DEPDC1: variants seen among roughly 807,000 people sequenced by gnomAD.
The protein encoded by DEPDC1 is DEP domain containing 1.
Under a neutral mutation model 86.8 loss-of-function variants are expected in DEPDC1, and 66 were observed. That is an observed-to-expected ratio of 0.76 (90% confidence interval 0.62 to 0.93). The LOEUF (loss-of-function observed/expected upper bound fraction) is 0.93. Among genes scored for constraint, DEPDC1 ranks in the 40% least tolerant of loss-of-function variants. The pLI is 0.00. For synonymous variants in DEPDC1, 255 were observed against 314.9 expected, an observed-to-expected ratio of 0.81 and a Z score of 2.02; for missense variants, 792 against 935.7, an observed-to-expected ratio of 0.85 and a Z score of 2.00.
chr1:68,481,950 T>A (rs1646158837), intron 8 of DEPDC1, 96 bp downstream of exon 8: 2 of 1,257,914 alleles, frequency 1.6e-6, no homozygotes, highest in Admixed American at 3.0e-5. Flanking sequence ...GGAAAAAAAA[T>A]TAAGCAACTT....
rs1433700889 is a variant in DEPDC1, at chr1:68,477,861, T to C, written c.2224A>G (p.Ile742Val). The C allele has an allele frequency of 2.5e-6, 4 of 1,588,948 alleles. No homozygotes were observed. The highest frequency in any genetic ancestry group is 1.2e-5 in the South Asian group (1 of 84,352). Residue 742 changes from isoleucine to valine, a missense_variant, in exon 11 of 12, where the codon ATT becomes GTT. Ile to Val is a conservative substitution (Grantham distance 29, BLOSUM62 3). Coordinates refer to ENST00000456315, the MANE Select transcript of DEPDC1 (RefSeq NM_001114120.3). The part of the protein sequence containing the change: ...EQKVSTSQAA[I>V]AELLENIIKN... ...ATAATATTTTCTAAAAGTTCTGCAA[T>C]TGCAGCTTGAGAGGTAGAAACTTTT...
intron 10 of DEPDC1, among the ~76,000 whole-genome samples, chr1:68,478,597 A>G (rs1398263472): frequency 1.3e-5 from 2 of 151,998 alleles, no homozygotes; most frequent in Non-Finnish European, 2.9e-5. Flanking sequence ...TTGGGCAGCC[A>G]AAGACAGAAT....
At chr1:68,489,206 A>G (rs547238684) in intron 3 of DEPDC1, among the ~76,000 whole-genome samples, 172 bp from the exon 4 acceptor site, 102 of 152,046 alleles carry the variant, frequency 6.7e-4, no homozygotes, top group African/African-American at 2.4e-3. Context: ...TACCACCCTC[A>G]AATCAATTTA....
chr1:68,490,694 C>T (rs528967783), intron 2 of DEPDC1, among the ~76,000 whole-genome samples: 1 of 152,032 alleles, frequency 6.6e-6, no homozygotes, highest in East Asian at 1.9e-4. Flanking sequence ...GTCCACAACT[C>T]ATATGGAACC....
chr1:68,484,260 C>G (rs971522552), intron 6 of DEPDC1, among the ~76,000 whole-genome samples, 170 bp from the exon 7 acceptor site: 1 of 152,020 alleles, frequency 6.6e-6, no homozygotes, highest in African/African-American at 2.4e-5. Context: ...CATTATCTTT[C>G]CACTGGAAGC....
chr1:68,479,148 C>A lies in DEPDC1; in HGVS notation c.2108G>T (p.Gly703Val). ...VEKHLDYLKK[G>V]HIENPGDGLF... ...TTTAAGACTCACAATACTTACATGT[C>A]CCTTTTTTAAGTAGTCAAGATGTTT... The change falls in exon 10 of 12, where the codon GGA becomes GTA. Residue 703 changes from glycine (G) to valine (V), a missense_variant. Coordinates refer to ENST00000456315, the MANE Select transcript of DEPDC1 (RefSeq NM_001114120.3). 6.2e-7 allele frequency: 1 copy of A among 1,606,734 alleles called. No individual in the cohort carries two copies. Among genetic ancestry groups the A allele is most frequent in the South Asian group, 1.1e-5 (1 of 89,742 alleles).
Position 68,496,793 on chromosome 1 carries a change from T to C in DEPDC1, c.48+159A>G. ...AGCGGTGAGTCTGGCAAGGGTTGCA[T>C]ACCCGCTACTTCTCCTCGCCAGCCT... On this transcript the variant is annotated intron_variant, in intron 1 of 11. Transcript: ENST00000456315. The surrounding 1 kb of genome is among the most constrained non-coding windows in gnomAD (Gnocchi z 4.0). 4 of 713,704 alleles carry C rather than the reference T, an allele frequency of 5.6e-6. No homozygotes were observed. Among genetic ancestry groups the C allele is most frequent in the South Asian group, 1.8e-5 (1 of 56,020 alleles). The allele number at this position is 713,704 out of a possible 1,614,324, so 44.2% of individuals were successfully genotyped here.
At chr1:68,486,093 TA>T (rs1020813435) in intron 6 of DEPDC1, among the ~76,000 whole-genome samples, 2 of 152,084 alleles carry the variant, frequency 1.3e-5, no homozygotes, top group African/African-American at 4.8e-5. Flanking sequence ...AATTAAATGC[TA>T]AAAAAATTTC....
chr1:68,491,604 C>T (rs1041476524), intron 2 of DEPDC1, among the ~76,000 whole-genome samples: 3 of 151,994 alleles, frequency 2.0e-5, no homozygotes, highest in Non-Finnish European at 4.4e-5. Context: ...AAATGAAATT[C>T]TTTGCTCATT....
chr1:68,496,763 G>C lies in DEPDC1; in HGVS notation c.48+189C>G. 2 of 570,756 alleles carry C rather than the reference G, an allele frequency of 3.5e-6. No individual in the cohort carries two copies. Among genetic ancestry groups the C allele is most frequent in the Admixed American group, 6.6e-5 (2 of 30,252 alleles). The allele number at this position is 570,756 out of a possible 1,614,324, so 35.4% of individuals were successfully genotyped here. A position where few individuals can be genotyped will look rare whatever the true frequency, so the allele number is the denominator to read the frequency against. On this transcript the variant is annotated intron_variant, in intron 1 of 11. Transcript: ENST00000456315. This position sits in a 1 kb window ranked among gnomAD's most constrained non-coding sequence, Gnocchi z 4.0. ...ACCTGAGGCCCAGACCCTCAAAATA[G>C]AGGGAGCGGTGAGTCTGGCAAGGGT... is the stretch of plus-strand genomic sequence containing the variant.
At chr1:68,490,689 C>T (rs894967327) in intron 2 of DEPDC1, among the ~76,000 whole-genome samples, 14 of 151,958 alleles carry the variant, frequency 9.2e-5, no homozygotes, top group Non-Finnish European at 2.1e-4. Flanking sequence ...CTGTTGTCCA[C>T]AACTCATATG....
chr1:68,488,581 C>T, intron 4 of DEPDC1, 77 bp from the exon 5 acceptor site: 1 of 1,231,302 alleles, frequency 8.1e-7, no homozygotes, highest in Non-Finnish European at 1.1e-6. Flanking sequence ...TAAACAAAGC[C>T]ATCAGAATAT....
intron 3 of DEPDC1, 30 bp from the exon 4 acceptor site, chr1:68,489,064 G>A (rs773072003): frequency 7.2e-7 from 1 of 1,380,156 alleles, no homozygotes; most frequent in African/African-American, 1.4e-5. Flanking sequence ...GGTTTAATCT[G>A]TTATGCTCAA....
chr1:68,482,903 A>C lies in DEPDC1; in HGVS notation c.911-6T>G. 6.5e-6 allele frequency: 10 copies of C among 1,545,266 alleles called. No individual in the cohort carries two copies. The highest frequency in any genetic ancestry group is 7.8e-6 in the Non-Finnish European group (9 of 1,151,372). On this transcript the variant is annotated splice_polypyrimidine_tract_variant and splice_region_variant and intron_variant, in intron 7 of 11. Coordinates refer to ENST00000456315, the MANE Select transcript of DEPDC1 (RefSeq NM_001114120.3). The stretch of plus-strand genomic sequence containing the variant: ...TGTGATGTAGCCACAAACAACTACC[A>C]GGAAATGAAACAAAAATTAAGATGC...
At chr1:68,486,881 A>AACTC in intron 6 of DEPDC1, 56 bp downstream of exon 6, 1 of 1,176,566 alleles carries the variant, frequency 8.5e-7, no homozygotes, top group Non-Finnish European at 1.1e-6. Context: ...CTATCAATAT[A>AACTC]ACACACACAC....
In DEPDC1 at chr1:68,475,255, T is replaced by C. The variant is rs977152206; in HGVS notation, c.*1677A>G. 3.8e-4 allele frequency: 58 copies of C among 151,988 alleles called. No individual in the cohort carries two copies. Among genetic ancestry groups the C allele is most frequent in the Non-Finnish European group, 7.8e-4 (53 of 67,904 alleles). 9.4% of individuals were successfully genotyped at this position (151,988 alleles called of 1,614,324 possible). On this transcript the variant is annotated 3_prime_UTR_variant, in exon 12 of 12. Transcript: ENST00000456315. Reference sequence around the variant, plus strand: ...GTAATCTCAATTGCATGTACATTAGTGCAAATGAAAGTTGCCTGCCTTTAT... The same window carrying C: ...GTAATCTCAATTGCATGTACATTAGCGCAAATGAAAGTTGCCTGCCTTTAT...
In DEPDC1 at chr1:68,489,443, A is replaced by G; in HGVS notation, c.471+9T>C. 6.8e-7 allele frequency: 1 copy of G among 1,468,376 alleles called. No individual in the cohort carries two copies. The highest frequency in any genetic ancestry group is 9.0e-7 in the Non-Finnish European group (1 of 1,108,382). The allele number at this position is 1,468,376 out of a possible 1,614,324, so 91.0% of individuals were successfully genotyped here. ...ATTTAAACTAGTAATTAGTAAAAGG[A>G]TGTGTTACCTGAGATAAATGTAATC... is the stretch of plus-strand genomic sequence containing the variant. On this transcript the variant is annotated intron_variant, in intron 3 of 11. Transcript: ENST00000456315.
At position 68,494,666 on chromosome 1, in the gene DEPDC1, T is replaced by G; in HGVS notation, c.78A>C (p.Ala26=). Residue 26 remains alanine (A), a synonymous_variant, in exon 2 of 12, where the codon GCA becomes GCC. Transcript: ENST00000456315. ...GTCTGTGTTTTCTTAGAGGCATTCC[T>G]GCTCGAAAAGATGTGGTAACTTCAT... The part of the protein sequence containing the change: ...LWNEVTTSFR[A]GMPLRKHRQH... 1 of 1,613,370 alleles carries G rather than the reference T, an allele frequency of 6.2e-7. No homozygotes were observed. Among genetic ancestry groups the G allele is most frequent in the Non-Finnish European group, 8.5e-7 (1 of 1,179,478 alleles).
At chr1:68,483,067 C>T in intron 7 of DEPDC1, 170 bp from the exon 8 acceptor site, 1 of 659,154 alleles carries the variant, frequency 1.5e-6, no homozygotes, top group Non-Finnish European at 2.5e-6. Flanking sequence ...ACACATGCAA[C>T]ATTCGGTTAC....
Sources: allele counts gnomAD v4.1 joint callset (sites outside exome capture counted in the v4.1 genomes callset), GRCh38; gene constraint gnomAD v4.1.1; non-coding constraint Gnocchi (gnomAD v3.1); transcripts MANE v1.5; gene names NCBI Gene and HGNC (gene_info 2026-07-23, HGNC 2026-07-21).